The following L3MBTL4 variants were observed in gnomAD, a reference collection of about 807,000 sequenced individuals.
L3MBTL4 encodes L3MBTL histone methyl-lysine binding protein 4, also known as lethal(3)malignant brain tumor-like protein 4.
A neutral mutation model predicts 84.5 loss-of-function variants in L3MBTL4; 70 were observed. The observed-to-expected ratio is 0.83, with a 90% CI of 0.68 to 1.01. The LOEUF is 1.01. Ranked by LOEUF, L3MBTL4 falls within the 50% of genes least tolerant of loss-of-function variation. The pLI is 0.00. For missense variants in L3MBTL4, 715 were observed against 754.8 expected (o/e 0.95, Z 0.62); for synonymous variants, 274 against 259.8 (o/e 1.05, Z -0.52).
chr18:6,319,751 A>C (rs1028439789), intron 1 of L3MBTL4, among the ~76,000 whole-genome samples: 3 of 152,176 alleles, frequency 2.0e-5, no homozygotes, highest in African/African-American at 7.2e-5. Flanking sequence ...AGACTGAGAA[A>C]GAGGAAATCC....
At chr18:6,241,497 T>C (rs762265788) in intron 7 of L3MBTL4, 48 bp from the exon 8 acceptor site, 4 of 1,030,266 alleles carry the variant, frequency 3.9e-6, no homozygotes, top group Non-Finnish European at 4.5e-6. Flanking sequence ...TGTAATCACA[T>C]GCATATTAAA....
intron 1 of L3MBTL4, among the ~76,000 whole-genome samples, chr18:6,373,610 A>G (rs2054249665): frequency 6.6e-6 from 1 of 152,180 alleles, no homozygotes; most frequent in African/African-American, 2.4e-5. Context: ...CAAGGAAGCC[A>G]ACCCAGTGTT....
intron 16 of L3MBTL4, among the ~76,000 whole-genome samples, chr18:6,080,678 T>C (rs1370777947): frequency 1.3e-5 from 2 of 152,178 alleles, no homozygotes; most frequent in African/African-American, 4.8e-5. Flanking sequence ...CTTTTACTTT[T>C]AAAATGAGAA....
At chr18:6,011,348 C>T (rs949835675) in intron 16 of L3MBTL4, among the ~76,000 whole-genome samples, 1 of 152,078 alleles carries the variant, frequency 6.6e-6, no homozygotes, top group Non-Finnish European at 1.5e-5. Flanking sequence ...AAAGGTAGAT[C>T]CTCCCATGAC....
At chr18:6,066,794 A>T (rs2057413604) in intron 16 of L3MBTL4, among the ~76,000 whole-genome samples, 1 of 151,620 alleles carries the variant, frequency 6.6e-6, no homozygotes, top group Non-Finnish European at 1.5e-5. Flanking sequence ...TATTTGGTTG[A>T]TTTTTTTATG....
rs377610956 is a variant in L3MBTL4, at chr18:6,188,090, A to G, written c.982-16148T>C. ...TGATGTTCCTGAGTATTTCAAGTCT[A>G]TCCATTAATTCCCCGCCTCCCTCAC... is the stretch of plus-strand genomic sequence containing the variant. On this transcript the variant is annotated intron_variant, in intron 12 of 18. Coordinates refer to ENST00000317931, the MANE Select transcript of L3MBTL4 (RefSeq NM_001330559.2). Among the ~76,000 whole-genome samples the G allele has an allele frequency of 8.6e-4, 130 of 152,036 alleles. No homozygotes were observed. In the South Asian group the frequency reaches 0.013, roughly 15 times the overall value.
intron 16 of L3MBTL4, among the ~76,000 whole-genome samples, chr18:6,002,981 GT>G (rs992365062): frequency 2.0e-5 from 3 of 150,502 alleles, no homozygotes; most frequent in African/African-American, 7.3e-5. Context: ...GACACAAACA[GT>G]TTGAAAGGGA....
chr18:6,226,189 T>G (rs1280969652), intron 10 of L3MBTL4, among the ~76,000 whole-genome samples: 1 of 152,158 alleles, frequency 6.6e-6, no homozygotes, highest in African/African-American at 2.4e-5. Flanking sequence ...GGTGGATTAC[T>G]TGACGTCAGG....
intron 12 of L3MBTL4, among the ~76,000 whole-genome samples, chr18:6,188,624 T>A (rs57936285): frequency 3.4e-3 from 519 of 152,298 alleles, no homozygotes; most frequent in African/African-American, 0.012. Context: ...CTGGAGGAGC[T>A]GAAGATCAAA....
intron 14 of L3MBTL4, among the ~76,000 whole-genome samples, chr18:6,115,223 C>T (rs979719493): frequency 2.6e-5 from 4 of 152,124 alleles, no homozygotes; most frequent in South Asian, 2.1e-4. Flanking sequence ...AGTGGTGGGA[C>T]AGTGAGATTC....
intron 18 of L3MBTL4, among the ~76,000 whole-genome samples, chr18:5,958,059 A>G (rs1257452800): frequency 3.1e-5 from 4 of 127,792 alleles, no homozygotes; most frequent in East Asian, 5.0e-4. Flanking sequence ...GGAGAAGGAG[A>G]AGGAGAAGAA....
At chr18:6,180,950 G>A (rs994524762) in intron 12 of L3MBTL4, among the ~76,000 whole-genome samples, 1 of 152,164 alleles carries the variant, frequency 6.6e-6, no homozygotes, top group Non-Finnish European at 1.5e-5. Context: ...GCCACCAAAA[G>A]GAACGACGTT....
chr18:6,145,121 G>C (rs761533792), intron 13 of L3MBTL4, among the ~76,000 whole-genome samples: 1 of 152,062 alleles, frequency 6.6e-6, no homozygotes, highest in Non-Finnish European at 1.5e-5. Flanking sequence ...CTCAAGTTGC[G>C]TATGTATTTC....
intron 16 of L3MBTL4, chr18:6,030,711 A>G (rs562924068): frequency 1.0e-6 from 1 of 974,132 alleles, no homozygotes; most frequent in South Asian, 4.7e-5. Context: ...CTTTGTATTT[A>G]GTTTAATGCT....
intron 16 of L3MBTL4, among the ~76,000 whole-genome samples, chr18:6,007,632 C>A (rs551201204): frequency 6.6e-6 from 1 of 152,068 alleles, no homozygotes; most frequent in Non-Finnish European, 1.5e-5. Context: ...AGCACATGTG[C>A]AAAATAACAC....
intron 14 of L3MBTL4, among the ~76,000 whole-genome samples, chr18:6,121,413 T>C (rs1449239069): frequency 1.3e-5 from 2 of 152,190 alleles, no homozygotes; most frequent in African/African-American, 4.8e-5. Flanking sequence ...AGGCACTGAA[T>C]TATAACAACA....
In L3MBTL4 at chr18:6,329,200, C is replaced by T. The variant is rs149358455; in HGVS notation, c.-90-17144G>A. Among the ~76,000 whole-genome samples, 792 of 142,546 alleles carry T rather than the reference C, an allele frequency of 5.6e-3. 24 individuals carry two copies. Among genetic ancestry groups the T allele is most frequent in the Admixed American group, 0.038 (515 of 13,464 alleles). The allele number at this position is 142,546 out of a possible 152,430, so 93.5% of individuals were successfully genotyped here. A position where few individuals can be genotyped will look rare whatever the true frequency, so the allele number is the denominator to read the frequency against. On this transcript the variant is annotated intron_variant, in intron 1 of 18. Coordinates refer to ENST00000317931, the MANE Select transcript of L3MBTL4 (RefSeq NM_001330559.2). ...ACGGAGTTTGGCTTTGTCGCCCAGG[C>T]TGGAGTGCAGTGGTGCGATCTCGGC...
intron 13 of L3MBTL4, among the ~76,000 whole-genome samples, chr18:6,163,878 G>A (rs186469565): frequency 2.2e-4 from 33 of 152,282 alleles, no homozygotes; most frequent in Non-Finnish European, 2.9e-4. Context: ...GAAGCAGGGC[G>A]AGGCATCAAC....
chr18:6,078,889 G>A (rs1175511299), intron 16 of L3MBTL4, among the ~76,000 whole-genome samples: 1 of 152,154 alleles, frequency 6.6e-6, no homozygotes, highest in African/African-American at 2.4e-5. Context: ...GGGGGTGATG[G>A]GAGACAGTGA....
Sources: allele counts gnomAD v4.1 joint callset (sites outside exome capture counted in the v4.1 genomes callset), GRCh38; gene constraint gnomAD v4.1.1; transcripts MANE v1.5; gene names NCBI Gene and HGNC (gene_info 2026-07-23, HGNC 2026-07-21).